Variants in PRKAR2A observed in about 807,000 individuals in gnomAD.
PRKAR2A encodes the protein cAMP-dependent protein kinase type II-alpha regulatory subunit.
A neutral mutation model predicts 51.9 loss-of-function variants in PRKAR2A; 29 were observed. That is an observed-to-expected ratio of 0.56 (90% CI 0.42 to 0.76). PRKAR2A has a LOEUF of 0.76. Ranked by LOEUF, PRKAR2A falls within the 30% of genes least tolerant of loss-of-function variation. The probability of loss-of-function intolerance (pLI) is 0.00; values close to 1 mark genes in which losing one functional copy is unlikely to be tolerated. For missense variants in PRKAR2A, 445 were observed against 512.1 expected (o/e 0.87, Z 1.26); for synonymous variants, 178 against 186.2 (o/e 0.96, Z 0.36).
rs748812211 is a variant in PRKAR2A, at chr3:48,790,624, T to A, written c.355A>T (p.Ile119Phe). Residue 119 changes from isoleucine (I) to phenylalanine (F), a missense_variant, in exon 4 of 11, where the codon ATT becomes TTT. Transcript: ENST00000265563. ...CTCTGTTCATCAGTTTTAGGATGAA[T>A]CACCTGCCAATCCAAATAAAACCAT... ...EEEEDTDPRV[I>F]HPKTDEQRCR... 1.4e-6 allele frequency: 2 copies of A among 1,453,842 alleles called. No individual in the cohort carries two copies. The highest frequency in any genetic ancestry group is 9.1e-7 in the Non-Finnish European group (1 of 1,095,454). The allele number at this position is 1,453,842 out of a possible 1,614,324, so 90.1% of individuals were successfully genotyped here.
rs9878262 is a variant in PRKAR2A at position 48,798,529 on chromosome 3, T to C, written c.299-4480A>G. ...CCTTAATTCAGTGTATTCCAATTGC[T>C]ACTCCTTGGTCTAAGAGTTCAAAAC... On this transcript the variant is annotated intron_variant, in intron 2 of 10. Transcript: ENST00000265563. 2.3e-3 allele frequency among the ~76,000 whole-genome samples: 353 copies of C among 152,242 alleles called. 1 individual carries two copies. The highest frequency in any genetic ancestry group is 8.0e-3 in the African/African-American group (334 of 41,538).
At chr3:48,828,176 CT>C (rs1175195880) in intron 1 of PRKAR2A, among the ~76,000 whole-genome samples, 6 of 152,060 alleles carry the variant, frequency 3.9e-5, no homozygotes, top group Non-Finnish European at 5.9e-5. Context: ...CAACTTTAAA[CT>C]TTTTTCTAAC....
At chr3:48,758,013 G>A (rs1023471739) in intron 8 of PRKAR2A, among the ~76,000 whole-genome samples, 1 of 151,738 alleles carries the variant, frequency 6.6e-6, no homozygotes, top group Admixed American at 6.6e-5. Context: ...CCGAGATCAC[G>A]CCATTGCACT....
chr3:48,747,573 C>A lies in PRKAR2A; in HGVS notation c.*4012G>T, dbSNP rs1237434413. 6.6e-6 allele frequency: 1 copy of A among 152,194 alleles called. No homozygotes were observed. The highest frequency in any genetic ancestry group is 1.5e-5 in the Non-Finnish European group (1 of 68,038). The allele number at this position is 152,194 out of a possible 1,614,324, so 9.4% of individuals were successfully genotyped here. On this transcript the variant is annotated 3_prime_UTR_variant, in exon 11 of 11. Transcript: ENST00000265563. ...CAAAGGAAAAGCTCTACCCTGATTT[C>A]TGAGAGTCTACAGCAATATATGTAA...
At chr3:48,766,266 A>T (rs1408644702) in intron 6 of PRKAR2A, among the ~76,000 whole-genome samples, 4 of 151,986 alleles carry the variant, frequency 2.6e-5, no homozygotes, top group Non-Finnish European at 5.9e-5. Context: ...ATACATAGGA[A>T]TAAAAAGTCT....
chr3:48,797,200 C>T (rs2082509807), intron 2 of PRKAR2A, among the ~76,000 whole-genome samples: 2 of 152,108 alleles, frequency 1.3e-5, no homozygotes, highest in South Asian at 4.2e-4. Context: ...CAGAGTCTCG[C>T]TGTCTTGCCC....
At chr3:48,751,743 G>A (rs560369542) in intron 10 of PRKAR2A, 25 bp from the exon 11 acceptor site, 2 of 1,590,728 alleles carry the variant, frequency 1.3e-6, no homozygotes, top group South Asian at 1.1e-5. Context: ...AGAGGTGAGG[G>A]AGAGAATGAA....
intron 1 of PRKAR2A, among the ~76,000 whole-genome samples, chr3:48,832,813 AC>A (rs1263293180): frequency 6.6e-6 from 1 of 152,136 alleles, no homozygotes; most frequent in Non-Finnish European, 1.5e-5. Flanking sequence ...TTGAGTAGGA[AC>A]CCTTGATTGA....
chr3:48,830,892 C>T (rs1210535034), intron 1 of PRKAR2A, among the ~76,000 whole-genome samples: 4 of 152,106 alleles, frequency 2.6e-5, no homozygotes, highest in African/African-American at 7.2e-5. Context: ...CTGTTCACAA[C>T]GGTTCACGTT....
rs1462320495 is a variant in PRKAR2A, at chr3:48,748,929, T to C, written c.*2656A>G. ...ACAGAGGGCAGTCTGAAAAGAGTCCTTCTGCTTTCGCTTCCTGGAGCTTAA... is the reference window on the plus strand; with the variant it reads ...ACAGAGGGCAGTCTGAAAAGAGTCCCTCTGCTTTCGCTTCCTGGAGCTTAA... On this transcript the variant is annotated 3_prime_UTR_variant, in exon 11 of 11. Transcript: ENST00000265563. 6.6e-6 allele frequency: 1 copy of C among 152,248 alleles called. No homozygotes were observed. Among genetic ancestry groups the C allele is most frequent in the East Asian group, 1.9e-4 (1 of 5,200 alleles). The allele number at this position is 152,248 out of a possible 1,614,324, so 9.4% of individuals were successfully genotyped here. A position where few individuals can be genotyped will look rare whatever the true frequency, so the allele number is the denominator to read the frequency against.
chr3:48,810,929 C>G (rs920459382), intron 1 of PRKAR2A, among the ~76,000 whole-genome samples: 12 of 152,060 alleles, frequency 7.9e-5, no homozygotes. Flanking sequence ...ATAATCTCAG[C>G]ATTTTGGGAG....
At chr3:48,773,170 C>T in intron 5 of PRKAR2A, 62 bp from the exon 6 acceptor site, 1 of 1,338,918 alleles carries the variant, frequency 7.5e-7, no homozygotes, top group Non-Finnish European at 1.0e-6. Context: ...TAAGAACTGG[C>T]AGGTACATAT....
chr3:48,755,609 CTTT>C (rs545711673), intron 9 of PRKAR2A, among the ~76,000 whole-genome samples: 5 of 139,038 alleles, frequency 3.6e-5, no homozygotes, highest in African/African-American at 5.3e-5. Flanking sequence ...ATTTTCTTTC[CTTT>C]TTTTTTTTTT....
chr3:48,769,374 G>A (rs1320836170), intron 6 of PRKAR2A, among the ~76,000 whole-genome samples: 1 of 151,728 alleles, frequency 6.6e-6, no homozygotes, highest in African/African-American at 2.4e-5. Flanking sequence ...AGCCAGGATG[G>A]TCTCAATCTC....
intron 5 of PRKAR2A, among the ~76,000 whole-genome samples, chr3:48,773,331 TTTC>T (rs1243758214): frequency 9.7e-5 from 14 of 143,694 alleles, no homozygotes; most frequent in African/African-American, 2.1e-4. Flanking sequence ...TTCTTGGAAT[TTTC>T]TTTTCTTTTT....
chr3:48,840,879 CTTTTTTTTTTTTT>C (rs998914309), intron 1 of PRKAR2A, among the ~76,000 whole-genome samples: 1 of 100,736 alleles, frequency 9.9e-6, no homozygotes. Context: ...CCTGGCCCAC[CTTTTTTTTTTTTT>C]TTTTTTTTGA....
chr3:48,787,504 A>C (rs137997194), intron 4 of PRKAR2A, among the ~76,000 whole-genome samples: 2 of 152,070 alleles, frequency 1.3e-5, no homozygotes, highest in Admixed American at 1.3e-4. Flanking sequence ...ACTTTTCAAC[A>C]CTCAAATGGT....
At chr3:48,845,877 T>G (rs544698590) in intron 1 of PRKAR2A, among the ~76,000 whole-genome samples, 12 of 151,812 alleles carry the variant, frequency 7.9e-5, no homozygotes, top group African/African-American at 2.9e-4. Flanking sequence ...GCTTGTGAGG[T>G]TGGGGTTGCA....
At chr3:48,761,122 A>G (rs2081857427) in intron 8 of PRKAR2A, among the ~76,000 whole-genome samples, 1 of 151,972 alleles carries the variant, frequency 6.6e-6, no homozygotes, top group South Asian at 2.1e-4. Context: ...CTCTACTAAA[A>G]ACACAAAAAA....
Sources: allele counts gnomAD v4.1 joint callset (sites outside exome capture counted in the v4.1 genomes callset), GRCh38; gene constraint gnomAD v4.1.1; transcripts MANE v1.5; gene names NCBI Gene and HGNC (gene_info 2026-07-23, HGNC 2026-07-21).